The following UBR2 variants were observed in gnomAD, a reference collection of about 807,000 sequenced individuals.
UBR2 encodes ubiquitin protein ligase E3 component n-recognin 2, also known as E3 ubiquitin-protein ligase UBR2.
Under a neutral mutation model 247.9 loss-of-function variants are expected in UBR2, and 92 were observed. The observed-to-expected ratio is 0.37, with a 90% CI of 0.31 to 0.44. The LOEUF (loss-of-function observed/expected upper bound fraction) is 0.44, where lower values mean the gene tolerates loss of function less well. UBR2 is among the 20% of genes least tolerant of loss of function. The pLI, the probability that UBR2 is intolerant of heterozygous loss-of-function variation, is 1.00. For synonymous variants in UBR2, 672 were observed against 693.5 expected, an observed-to-expected ratio of 0.97 and a Z score of 0.49; for missense variants, 1,613 against 2,112.6, an observed-to-expected ratio of 0.76 and a Z score of 4.64.
chr6:42,584,842 T>G (rs1044543706), intron 2 of UBR2, among the ~76,000 whole-genome samples: 4 of 151,884 alleles, frequency 2.6e-5, no homozygotes, highest in African/African-American at 9.7e-5. Flanking sequence ...ATATTAACTT[T>G]TACCCTGTGA....
chr6:42,631,498 C>T (rs9349237), intron 11 of UBR2, among the ~76,000 whole-genome samples: 1 of 152,052 alleles, frequency 6.6e-6, no homozygotes, highest in Non-Finnish European at 1.5e-5. Flanking sequence ...ACTCTTTAAC[C>T]GATTACTTCC....
At chr6:42,683,387 T>C (rs1460112879) in intron 43 of UBR2, among the ~76,000 whole-genome samples, 7 of 152,210 alleles carry the variant, frequency 4.6e-5, no homozygotes, top group Non-Finnish European at 1.0e-4. Context: ...CCTAGGTTTT[T>C]CTTAGCTCTA....
chr6:42,649,313 T>C (rs916299302), intron 22 of UBR2, among the ~76,000 whole-genome samples: 3 of 152,172 alleles, frequency 2.0e-5, no homozygotes, highest in Non-Finnish European at 2.9e-5. Flanking sequence ...CAGGCCCTTT[T>C]TCACTTCCTT....
intron 42 of UBR2, among the ~76,000 whole-genome samples, chr6:42,680,733 C>T (rs899940939): frequency 7.9e-5 from 12 of 152,110 alleles, no homozygotes; most frequent in African/African-American, 2.7e-4. Context: ...GTCCACAAAA[C>T]GGGGGAAAAT....
At chr6:42,675,574 G>T (rs1034135967) in intron 38 of UBR2, among the ~76,000 whole-genome samples, 1 of 152,196 alleles carries the variant, frequency 6.6e-6, no homozygotes, top group African/African-American at 2.4e-5. Context: ...CATGTAGCCA[G>T]TCCTATTGGA....
intron 8 of UBR2, among the ~76,000 whole-genome samples, chr6:42,612,814 T>A (rs984264643): frequency 1.3e-5 from 2 of 152,146 alleles, no homozygotes; most frequent in African/African-American, 2.4e-5. Flanking sequence ...TTTTAAAAAA[T>A]TTTTGGCCAG....
chr6:42,645,279 G>A (rs369461970), intron 20 of UBR2, among the ~76,000 whole-genome samples, 187 bp from the exon 21 acceptor site: 182 of 152,232 alleles, frequency 1.2e-3, no homozygotes, highest in African/African-American at 4.1e-3. Flanking sequence ...CTCACGTTTT[G>A]GGTCTGAGAC....
At chr6:42,626,358 G>A (rs1029756512) in intron 11 of UBR2, among the ~76,000 whole-genome samples, 17 of 152,148 alleles carry the variant, frequency 1.1e-4, no homozygotes, top group African/African-American at 4.1e-4. Context: ...GTTTAGAAAG[G>A]TTTGTTTTGC....
chr6:42,605,413 T>A (rs928526791), intron 5 of UBR2, among the ~76,000 whole-genome samples: 2 of 152,188 alleles, frequency 1.3e-5, no homozygotes, highest in African/African-American at 4.8e-5. Context: ...AGTTGAGAGC[T>A]ACTGATAGCC....
At chr6:42,577,417 A>G (rs1791589893) in intron 2 of UBR2, among the ~76,000 whole-genome samples, 1 of 152,204 alleles carries the variant, frequency 6.6e-6, no homozygotes, top group African/African-American at 2.4e-5. Flanking sequence ...TGAAGTCTCC[A>G]TGATGTCAGA....
At chr6:42,647,661 C>T (rs1796855938) in intron 21 of UBR2, among the ~76,000 whole-genome samples, 1 of 152,046 alleles carries the variant, frequency 6.6e-6, no homozygotes, top group Non-Finnish European at 1.5e-5. Flanking sequence ...TATTTATTCA[C>T]AGAATTCCTA....
chr6:42,619,923 T>C, intron 11 of UBR2: 1 of 854,300 alleles, frequency 1.2e-6, no homozygotes, highest in Non-Finnish European at 1.4e-6. Flanking sequence ...GGTTTATATT[T>C]TTGATGCTGT....
At position 42,652,032 on chromosome 6, in the gene UBR2, G is replaced by C. The variant is rs751573844; in HGVS notation, c.2575G>C (p.Ala859Pro). 6.3e-7 allele frequency: 1 copy of C among 1,595,718 alleles called. No individual in the cohort carries two copies. Among genetic ancestry groups the C allele is most frequent in the South Asian group, 1.1e-5 (1 of 87,516 alleles). Reference sequence around the variant, plus strand: ...CTTTATTTTTTATTAGGCAGAAGAAGCGCAACGGAAATTGAAAAGACAAAA... The same window carrying C: ...CTTTATTTTTTATTAGGCAGAAGAACCGCAACGGAAATTGAAAAGACAAAA... ...SRAEQSKAEE[A>P]QRKLKRQNRE... The change falls in exon 24 of 47, where the codon GCG (alanine) becomes CCG (proline). Residue 859 changes from alanine to proline, a missense_variant. By Grantham distance (27) the Ala-to-Pro change is conservative. Transcript: ENST00000372901.
At chr6:42,686,316 C>G (rs1799392453) in intron 44 of UBR2, among the ~76,000 whole-genome samples, 1 of 151,666 alleles carries the variant, frequency 6.6e-6, no homozygotes, top group Non-Finnish European at 1.5e-5. Context: ...ATCTGTTTAA[C>G]AAAGCACATC....
chr6:42,583,120 T>TCTA (rs1792015911), intron 2 of UBR2, among the ~76,000 whole-genome samples: 1 of 152,226 alleles, frequency 6.6e-6, no homozygotes, highest in African/African-American at 2.4e-5. Context: ...ATGGTGGCTT[T>TCTA]TGATGACAGA....
At chr6:42,645,981 G>C (rs1796729911) in intron 21 of UBR2, among the ~76,000 whole-genome samples, 1 of 152,160 alleles carries the variant, frequency 6.6e-6, no homozygotes, top group Admixed American at 6.5e-5. Context: ...CCTATACTGA[G>C]TAGAATAAAT....
At chr6:42,651,707 TC>T (rs1452242011) in intron 23 of UBR2, among the ~76,000 whole-genome samples, 1 of 151,328 alleles carries the variant, frequency 6.6e-6, no homozygotes, top group Admixed American at 6.6e-5. Context: ...GCCAGGCTGC[TC>T]TCGAACTCCT....
intron 24 of UBR2, 22 bp from the exon 25 acceptor site, chr6:42,652,469 A>G (rs1357538156): frequency 2.5e-6 from 4 of 1,580,816 alleles, no homozygotes; most frequent in Non-Finnish European, 3.4e-6. Context: ...AAAGAAACCA[A>G]TAATAACAAC....
At chr6:42,622,225 G>A (rs1448304098) in intron 11 of UBR2, among the ~76,000 whole-genome samples, 2 of 151,802 alleles carry the variant, frequency 1.3e-5, no homozygotes, top group Admixed American at 6.6e-5. Context: ...CACCATATTG[G>A]TCAGGCTGGT....
Sources: allele counts gnomAD v4.1 joint callset (sites outside exome capture counted in the v4.1 genomes callset), GRCh38; gene constraint gnomAD v4.1.1; transcripts MANE v1.5; gene names NCBI Gene and HGNC (gene_info 2026-07-23, HGNC 2026-07-21).